RIN2: variants seen among roughly 807,000 people sequenced by gnomAD.
RIN2 encodes RAB5 interacting protein 2.
Under a neutral mutation model 78.0 loss-of-function variants are expected in RIN2, and 36 were observed. The observed-to-expected ratio is 0.46, with a 90% CI of 0.35 to 0.61. The LOEUF is 0.61. RIN2 is among the 20% of genes least tolerant of loss of function. The pLI is 0.00. For synonymous variants in RIN2, 466 were observed against 466.8 expected (o/e 1.00, Z 0.02); for missense variants, 1,087 against 1,159.7 (o/e 0.94, Z 0.91).
intron 1 of RIN2, among the ~76,000 whole-genome samples, chr20:19,768,634 A>G (rs1390475558): frequency 6.6e-6 from 1 of 152,260 alleles, no homozygotes; most frequent in Non-Finnish European, 1.5e-5. Flanking sequence ...ACACAGGCAG[A>G]CAGAGTGGAT....
At chr20:19,827,825 T>TC (rs1309132835) in intron 2 of RIN2, among the ~76,000 whole-genome samples, 1 of 148,126 alleles carries the variant, frequency 6.8e-6, no homozygotes, top group East Asian at 2.0e-4. Flanking sequence ...TTTTTTTTTT[T>TC]GCTGCTAGTC....
intron 2 of RIN2, among the ~76,000 whole-genome samples, chr20:19,884,207 A>G (rs2038111536): frequency 6.7e-6 from 1 of 149,624 alleles, no homozygotes; most frequent in Non-Finnish European, 1.5e-5. Flanking sequence ...GCTTGAGGCC[A>G]GGAGTTTGAG....
At chr20:19,778,869 G>T (rs573378107) in intron 1 of RIN2, among the ~76,000 whole-genome samples, 1 of 152,202 alleles carries the variant, frequency 6.6e-6, no homozygotes, top group South Asian at 2.1e-4. Context: ...TGTATTCCTG[G>T]CCCCCCAACC....
intron 1 of RIN2, among the ~76,000 whole-genome samples, chr20:19,768,228 A>G (rs1490373350): frequency 1.3e-5 from 2 of 152,238 alleles, no homozygotes; most frequent in African/African-American, 4.8e-5. Context: ...CAGGTTCCCT[A>G]GAAGCAGACC....
chr20:19,992,966 A>G lies in RIN2; in HGVS notation c.2200+667A>G, dbSNP rs2042842446. 2.0e-5 allele frequency among the ~76,000 whole-genome samples: 3 copies of G among 152,110 alleles called. No individual in the cohort carries two copies. The South Asian group carries it at 6.2e-4, about 32-fold the overall frequency. ...TATAGTAAAAATACAGGGGTGTGGAATCTGTGCAGTTTGCTCTCAATTTAC... is the reference window on the plus strand; with the variant it reads ...TATAGTAAAAATACAGGGGTGTGGAGTCTGTGCAGTTTGCTCTCAATTTAC... On this transcript the variant is annotated intron_variant, in intron 11 of 12. Transcript: ENST00000255006.
chr20:19,824,109 C>CA (rs2036012429), intron 2 of RIN2, among the ~76,000 whole-genome samples: 1 of 152,154 alleles, frequency 6.6e-6, no homozygotes, highest in African/African-American at 2.4e-5. Flanking sequence ...AAGTTATTTG[C>CA]ATGCTGGACC....
chr20:19,916,823 T>C lies in RIN2; in HGVS notation c.58-18276T>C, dbSNP rs569061713. On this transcript the variant is annotated intron_variant, in intron 3 of 12. Transcript: ENST00000255006. ...TGTTGTTCGAGCAGTAGTGTTTGTA[T>C]TGAAATCGTGCCTGTTCACATCCTA... Among the ~76,000 whole-genome samples the C allele has an allele frequency of 3.9e-5, 6 of 152,300 alleles. No homozygotes were observed. In the South Asian group the frequency reaches 8.3e-4, roughly 21 times the overall value.
chr20:19,975,765 G>T lies in RIN2; in HGVS notation c.1740G>T (p.Ser580=), dbSNP rs2042261105. Residue 580 remains serine (S), a synonymous_variant, in exon 9 of 13, where the codon TCG becomes TCT. Transcript: ENST00000255006. The surrounding 1 kb of genome is among the most constrained non-coding windows in gnomAD (Gnocchi z 4.9). ...CGGAGCTGGACCCCCCCATCGAGTC[G>T]CTGATCCCTGAAGACCAAATAGGTA... ...QSSELDPPIE[S]LIPEDQIDVV... 6.2e-7 allele frequency: 1 copy of T among 1,611,112 alleles called. No homozygotes were observed. Among genetic ancestry groups the T allele is most frequent in the Non-Finnish European group, 8.5e-7 (1 of 1,178,798 alleles).
chr20:19,876,764 G>A (rs892480357), intron 2 of RIN2, among the ~76,000 whole-genome samples: 7 of 152,098 alleles, frequency 4.6e-5, no homozygotes, highest in African/African-American at 1.7e-4. Context: ...AATTATCTGG[G>A]TGTGGTGGCG....
At chr20:19,857,370 ATTATT>A (rs1162833960) in intron 2 of RIN2, among the ~76,000 whole-genome samples, 2 of 152,098 alleles carry the variant, frequency 1.3e-5, no homozygotes, top group Non-Finnish European at 1.5e-5. Context: ...GATTCATTGT[ATTATT>A]TTCATATTGA....
chr20:19,900,015 G>A (rs2038909239), intron 3 of RIN2, among the ~76,000 whole-genome samples: 1 of 152,200 alleles, frequency 6.6e-6, no homozygotes, highest in Admixed American at 6.5e-5. Context: ...CATCAGACAG[G>A]TGGGATTGGT....
chr20:19,831,079 G>A (rs1306005162), intron 2 of RIN2, among the ~76,000 whole-genome samples: 1 of 152,072 alleles, frequency 6.6e-6, no homozygotes, highest in East Asian at 1.9e-4. Context: ...CCCAACCCAT[G>A]ACCATCAGCC....
At chr20:19,882,232 G>A (rs1391313454) in intron 2 of RIN2, among the ~76,000 whole-genome samples, 1 of 152,086 alleles carries the variant, frequency 6.6e-6, no homozygotes, top group Non-Finnish European at 1.5e-5. Flanking sequence ...CAGGGAATTT[G>A]GAACTTCATA....
rs139642869 is a variant in RIN2 at position 19,842,387 on chromosome 20, C to CTTTTTTTTTTTTT, written c.-37+42654_-37+42666dup. On this transcript the variant is annotated intron_variant, in intron 2 of 12. Transcript: ENST00000255006. The stretch of plus-strand genomic sequence containing the variant: ...TACAGGCACTCACCACCATCCCTGG[C>CTTTTTTTTTTTTT]TTTTTTTTTTTTTTTTTTTTTTTTT... 8.0e-4 allele frequency among the ~76,000 whole-genome samples: 37 copies of CTTTTTTTTTTTTT among 46,198 alleles called. 7 individuals carry two copies. The highest frequency in any genetic ancestry group is 1.2e-3 in the Non-Finnish European group (31 of 24,848). 30.3% of individuals were successfully genotyped at this position (46,198 alleles called of 152,430 possible).
intron 7 of RIN2, among the ~76,000 whole-genome samples, chr20:19,968,613 T>A (rs1779237032): frequency 1.3e-5 from 2 of 152,130 alleles, no homozygotes; most frequent in Non-Finnish European, 1.5e-5. Context: ...AGGTGTGGCT[T>A]CCTGTCATAT....
At chr20:19,971,030 G>C (rs1435695647) in intron 8 of RIN2, 101 bp downstream of exon 8, 6 of 843,304 alleles carry the variant, frequency 7.1e-6, no homozygotes, top group South Asian at 3.2e-5. Context: ...AATCTCTCCA[G>C]CTTCTCCATC....
intron 1 of RIN2, among the ~76,000 whole-genome samples, chr20:19,790,673 C>T (rs2034861192): frequency 6.6e-6 from 1 of 152,094 alleles, no homozygotes; most frequent in Admixed American, 6.6e-5. Context: ...TTACCCCAAC[C>T]AATTCCCCCT....
At chr20:19,842,574 T>C (rs1487850432) in intron 2 of RIN2, among the ~76,000 whole-genome samples, 1 of 151,920 alleles carries the variant, frequency 6.6e-6, no homozygotes, top group African/African-American at 2.4e-5. Context: ...TTACTGAATA[T>C]TTTAATCCCA....
chr20:19,884,220 C>A (rs1186924688), intron 2 of RIN2, among the ~76,000 whole-genome samples: 1 of 151,824 alleles, frequency 6.6e-6, no homozygotes, highest in Non-Finnish European at 1.5e-5. Flanking sequence ...AGTTTGAGAC[C>A]AGCCTGGGCA....
Sources: allele counts gnomAD v4.1 joint callset (sites outside exome capture counted in the v4.1 genomes callset), GRCh38; gene constraint gnomAD v4.1.1; non-coding constraint Gnocchi (gnomAD v3.1); transcripts MANE v1.5; gene names NCBI Gene and HGNC (gene_info 2026-07-23, HGNC 2026-07-21).